Variants in FDFT1 observed in about 807,000 individuals in gnomAD.
FDFT1 encodes the protein farnesyl-diphosphate farnesyltransferase 1.
FDFT1 carries 68 observed loss-of-function variants against 46.8 expected under a neutral mutation model. That is an observed-to-expected ratio of 1.45 (90% CI 1.19 to 1.78). The LOEUF is 1.78. FDFT1 is among the 40% of genes most tolerant of loss of function. The pLI is 0.00. For missense variants in FDFT1, 928 were observed against 524.4 expected, an observed-to-expected ratio of 1.77 and a Z score of -7.52; for synonymous variants, 351 against 185.1, an observed-to-expected ratio of 1.90 and a Z score of -7.28.
chr8:11,821,335 G>A (rs1049897304), intron 3 of FDFT1, among the ~76,000 whole-genome samples: 2 of 152,228 alleles, frequency 1.3e-5, no homozygotes, highest in East Asian at 1.9e-4. Context: ...GCTTATGCCT[G>A]TAATCCCAGC....
rs147904562 is a variant in FDFT1 at position 11,831,889 on chromosome 8, G to C, written c.1032+219G>C. The C allele has an allele frequency of 8.5e-6, 4 of 472,630 alleles. No individual in the cohort carries two copies. In the East Asian group the frequency reaches 1.4e-4, roughly 17 times the overall value. The allele number at this position is 472,630 out of a possible 1,614,324, so 29.3% of individuals were successfully genotyped here. A position where few individuals can be genotyped will look rare whatever the true frequency, so the allele number is the denominator to read the frequency against. ...AGTACCCTGGTGAGAGGAGATAAAT[G>C]GAGCAAGGCTGTAGGTTGGAGCCCC... On this transcript the variant is annotated intron_variant, in intron 7 of 7. Coordinates refer to ENST00000220584, the MANE Select transcript of FDFT1 (RefSeq NM_004462.5).
chr8:11,827,954 C>A (rs1272330167), intron 5 of FDFT1, among the ~76,000 whole-genome samples: 2 of 151,936 alleles, frequency 1.3e-5, no homozygotes, highest in Non-Finnish European at 2.9e-5. Context: ...ATAATCCCAG[C>A]ACTTTGGGAA....
chr8:11,837,883 A>AG (rs567742847), intron 7 of FDFT1, among the ~76,000 whole-genome samples: 27 of 152,202 alleles, frequency 1.8e-4, no homozygotes, highest in South Asian at 1.0e-3. Flanking sequence ...AGGAGTGGGG[A>AG]GGGAGGCACA....
upstream of FDFT1, among the ~76,000 whole-genome samples, chr8:11,801,126 G>C (rs1806076273): frequency 6.6e-6 from 1 of 152,164 alleles, no homozygotes; most frequent in Admixed American, 6.5e-5. Context: ...AGTCAAGCCA[G>C]TATCTGGGGG....
At chr8:11,831,352 A>T (rs1810754343) in intron 6 of FDFT1, among the ~76,000 whole-genome samples, 166 bp from the exon 7 acceptor site, 2 of 152,220 alleles carry the variant, frequency 1.3e-5, no homozygotes, top group African/African-American at 2.4e-5. Flanking sequence ...GGAAGGTAAA[A>T]ATCTTGACAT....
At chr8:11,799,064 C>A (rs1343951472), upstream of FDFT1, among the ~76,000 whole-genome samples, 1 of 152,188 alleles carries the variant, frequency 6.6e-6, no homozygotes, top group African/African-American at 2.4e-5. Context: ...GCGGACCTGA[C>A]ACATTGAACA....
At chr8:11,805,511 C>T (rs755400375) in intron 1 of FDFT1, among the ~76,000 whole-genome samples, 13 of 152,140 alleles carry the variant, frequency 8.5e-5, no homozygotes, top group Non-Finnish European at 1.6e-4. Flanking sequence ...TTATTAAGTC[C>T]GATTTCTGAC....
intron 7 of FDFT1, among the ~76,000 whole-genome samples, chr8:11,832,343 C>G (rs937893818): frequency 2.0e-5 from 3 of 151,506 alleles, no homozygotes; most frequent in Non-Finnish European, 4.4e-5. Context: ...TCACTTGAGG[C>G]CAGGAATTCA....
rs1811970346 is a variant in FDFT1, at chr8:11,839,062, T to TTGTTTTCTTTAATTG, written c.*453_*454insTGTTTTCTTTAATTG. 6.0e-6 allele frequency: 1 copy of TTGTTTTCTTTAATTG among 168,064 alleles called. No individual in the cohort carries two copies. The highest frequency in any genetic ancestry group is 2.4e-5 in the African/African-American group (1 of 41,520). The allele number at this position is 168,064 out of a possible 1,614,324, so 10.4% of individuals were successfully genotyped here. A position where few individuals can be genotyped will look rare whatever the true frequency, so the allele number is the denominator to read the frequency against. On this transcript the variant is annotated 3_prime_UTR_variant, in exon 8 of 8. Transcript: ENST00000220584. ...TTTTGTTTTCTTTAATTGGGTTGAA[T>TTGTTTTCTTTAATTG]GGAGTAGATAGAAATATTTATGGTT...
chr8:11,808,625 G>C, intron 1 of FDFT1, 169 bp from the exon 2 acceptor site: 1 of 1,393,612 alleles, frequency 7.2e-7, no homozygotes, highest in Non-Finnish European at 9.3e-7. Flanking sequence ...CCGCCCCGCG[G>C]GGCTGCTGCT....
chr8:11,809,865 G>T lies in FDFT1; in HGVS notation c.381+15G>T, dbSNP rs115581217. 1 of 1,600,182 alleles carries T rather than the reference G, an allele frequency of 6.2e-7. No individual in the cohort carries two copies. The highest frequency in any genetic ancestry group is 8.6e-7 in the Non-Finnish European group (1 of 1,169,454). On this transcript the variant is annotated intron_variant, in intron 3 of 7. Coordinates refer to ENST00000220584, the MANE Select transcript of FDFT1 (RefSeq NM_004462.5). The stretch of plus-strand genomic sequence containing the variant: ...ACTTCCCAACGGTGAGTGGGGTTAC[G>T]CATCTTGTCTACGGACTGTTGTGTT...
At chr8:11,811,681 A>G (rs1042743263) in intron 3 of FDFT1, among the ~76,000 whole-genome samples, 31 of 152,194 alleles carry the variant, frequency 2.0e-4, no homozygotes, top group African/African-American at 7.2e-4. Flanking sequence ...TGGGTAGTAG[A>G]GTTAGAGATT....
intron 7 of FDFT1, among the ~76,000 whole-genome samples, chr8:11,831,956 G>A (rs1810862650): frequency 6.6e-6 from 1 of 152,152 alleles, no homozygotes; most frequent in African/African-American, 2.4e-5. Flanking sequence ...TGATGCAGGA[G>A]GCCAACCAAG....
intron 1 of FDFT1, among the ~76,000 whole-genome samples, chr8:11,806,897 T>C (rs1055075878): frequency 2.2e-4 from 33 of 152,242 alleles, no homozygotes; most frequent in African/African-American, 4.6e-4. Flanking sequence ...TTTACTAATA[T>C]TATGGTGCCC....
intron 7 of FDFT1, chr8:11,831,872 G>C: frequency 2.0e-6 from 1 of 512,680 alleles, no homozygotes. Flanking sequence ...GTAGTACCCT[G>C]GTGAGAGGAG....
At chr8:11,800,922 T>C (rs1369272066), upstream of FDFT1, among the ~76,000 whole-genome samples, 1 of 152,086 alleles carries the variant, frequency 6.6e-6, no homozygotes, top group African/African-American at 2.4e-5. Flanking sequence ...TGTCCAGTGG[T>C]AGGGACTTAG....
In FDFT1 at chr8:11,817,735, G is replaced by T. The variant is rs527336248; in HGVS notation, c.382-4015G>T. ...TATCCCCTTTATCATTTTTTATTAC[G>T]TCTTTTTGATTCTTCTGTCTTTTCT... On this transcript the variant is annotated intron_variant, in intron 3 of 7. Transcript: ENST00000220584. Among the ~76,000 whole-genome samples, 3 of 151,884 alleles carry T rather than the reference G, an allele frequency of 2.0e-5. No individual in the cohort carries two copies. In the South Asian group the frequency reaches 6.2e-4, roughly 32 times the overall value.
intron 4 of FDFT1, 74 bp from the exon 5 acceptor site, chr8:11,825,950 A>G (rs1809911931): frequency 9.8e-7 from 1 of 1,025,404 alleles, no homozygotes; most frequent in Non-Finnish European, 1.4e-6. Flanking sequence ...GCTTTTTTGT[A>G]GCTAATGATC....
chr8:11,827,918 T>G (rs1299745212), intron 5 of FDFT1, among the ~76,000 whole-genome samples: 2 of 150,946 alleles, frequency 1.3e-5, no homozygotes, highest in African/African-American at 2.4e-5. Flanking sequence ...ACAGTAAAAA[T>G]TGGCCGGGCA....
Sources: allele counts gnomAD v4.1 joint callset (sites outside exome capture counted in the v4.1 genomes callset), GRCh38; gene constraint gnomAD v4.1.1; transcripts MANE v1.5; gene names NCBI Gene and HGNC (gene_info 2026-07-23, HGNC 2026-07-21).